PDZD2: variants seen among roughly 807,000 people sequenced by gnomAD.
PDZD2 encodes the protein PDZ domain containing 2, also known as PDZ domain-containing protein 2.
PDZD2 carries 90 observed loss-of-function variants against 220.7 expected under a neutral mutation model. That is an observed-to-expected ratio of 0.41 (90% CI 0.34 to 0.49). The LOEUF (loss-of-function observed/expected upper bound fraction) is 0.49. Among genes scored for constraint, PDZD2 ranks in the 20% least tolerant of loss-of-function variants. The probability of loss-of-function intolerance (pLI) is 0.28; values close to 1 mark genes in which losing one functional copy is unlikely to be tolerated. For synonymous variants in PDZD2, 1,375 were observed against 1,450.5 expected, an observed-to-expected ratio of 0.95 and a Z score of 1.18; for missense variants, 3,174 against 3,608.5, an observed-to-expected ratio of 0.88 and a Z score of 3.08.
chr5:31,845,029 A>G (rs1302699836), intron 2 of PDZD2, among the ~76,000 whole-genome samples: 4 of 152,192 alleles, frequency 2.6e-5, no homozygotes, highest in Admixed American at 6.5e-5. Flanking sequence ...TGAAAGGTAG[A>G]AATGGAAGAA....
At chr5:31,764,857 A>G (rs1007623471) in intron 1 of PDZD2, among the ~76,000 whole-genome samples, 2 of 152,196 alleles carry the variant, frequency 1.3e-5, no homozygotes, top group African/African-American at 4.8e-5. Flanking sequence ...TAGGCGGATC[A>G]TTTGAGGTCA....
intron 24 of PDZD2, among the ~76,000 whole-genome samples, chr5:32,102,906 A>AAAAGT (rs1204371523): frequency 6.6e-6 from 1 of 152,222 alleles, no homozygotes; most frequent in East Asian, 1.9e-4. Flanking sequence ...CTGCTTCTTT[A>AAAAGT]AAAGTAAAAA....
chr5:31,913,557 G>A (rs1743391726), intron 2 of PDZD2, among the ~76,000 whole-genome samples: 1 of 152,140 alleles, frequency 6.6e-6, no homozygotes, highest in African/African-American at 2.4e-5. Context: ...CTATTATAAT[G>A]TTAACTTCTG....
intron 1 of PDZD2, among the ~76,000 whole-genome samples, chr5:31,658,627 T>C (rs29750): frequency 0.38 from 56,836 of 151,460 alleles, 11,162 homozygotes; most frequent in East Asian, 0.65. Flanking sequence ...TTTTCACTTT[T>C]TTTTTTTTTT....
chr5:31,937,049 C>G (rs950354341), intron 2 of PDZD2, among the ~76,000 whole-genome samples: 3 of 152,186 alleles, frequency 2.0e-5, no homozygotes, highest in African/African-American at 7.2e-5. Context: ...TGGGTGGCAG[C>G]CACATGCAAG....
intron 1 of PDZD2, among the ~76,000 whole-genome samples, chr5:31,761,209 G>A (rs1403602636): frequency 6.6e-6 from 1 of 152,170 alleles, no homozygotes; most frequent in Non-Finnish European, 1.5e-5. Context: ...ACATGGGAAA[G>A]CAACCACAGT....
Position 31,999,124 on chromosome 5 carries a change from G to C in PDZD2, c.1122-1015G>C, listed in dbSNP as rs546364104. Among the ~76,000 whole-genome samples, 73 of 152,336 alleles carry C rather than the reference G, an allele frequency of 4.8e-4. 1 individual carries two copies. The highest frequency in any genetic ancestry group is 1.7e-3 in the African/African-American group (70 of 41,580). ...GCCCAATGGGAAGAAAGTTGAGTCA[G>C]GCATAATTTAATTTAAGGGAAAGAA... On this transcript the variant is annotated intron_variant, in intron 4 of 24. Transcript: ENST00000438447.
chr5:31,842,520 A>G (rs1757369216), intron 2 of PDZD2, among the ~76,000 whole-genome samples: 1 of 152,216 alleles, frequency 6.6e-6, no homozygotes, highest in Non-Finnish European at 1.5e-5. Context: ...CCTGGCTCGA[A>G]TCTGGCTGGT....
chr5:31,876,710 A>G (rs1014345101), intron 2 of PDZD2, among the ~76,000 whole-genome samples: 4 of 152,248 alleles, frequency 2.6e-5, no homozygotes, highest in African/African-American at 9.6e-5. Context: ...CTATTTTGAA[A>G]TATAAACTCT....
chr5:31,792,430 G>C (rs952902636), intron 1 of PDZD2, among the ~76,000 whole-genome samples: 1 of 151,956 alleles, frequency 6.6e-6, no homozygotes, highest in African/African-American at 2.4e-5. Flanking sequence ...GTTTTGTTTT[G>C]TTTTTTTAGA....
chr5:31,998,179 C>T (rs191965102), intron 4 of PDZD2, among the ~76,000 whole-genome samples: 5 of 152,224 alleles, frequency 3.3e-5, no homozygotes, highest in Middle Eastern at 3.4e-3. Flanking sequence ...TTCTTGATTC[C>T]TCAATCCCTC....
intron 2 of PDZD2, among the ~76,000 whole-genome samples, chr5:31,922,772 G>A (rs543412933): frequency 7.2e-5 from 11 of 151,936 alleles, no homozygotes; most frequent in Admixed American, 1.3e-4. Flanking sequence ...CCCCCCCTCC[G>A]GGCTCAAGTG....
chr5:31,932,698 A>C (rs373778085), intron 2 of PDZD2, among the ~76,000 whole-genome samples: 1 of 152,206 alleles, frequency 6.6e-6, no homozygotes, highest in East Asian at 1.9e-4. Flanking sequence ...CATCACCACT[A>C]TCCATCTCCA....
intron 4 of PDZD2, among the ~76,000 whole-genome samples, chr5:31,997,089 C>T (rs116571283): frequency 0.02 from 3,113 of 152,170 alleles, 123 homozygotes; most frequent in African/African-American, 0.072. Flanking sequence ...CCTGCTGGGG[C>T]GTGTACGTAT....
intron 2 of PDZD2, among the ~76,000 whole-genome samples, chr5:31,862,749 A>G (rs899447915): frequency 1.3e-5 from 2 of 151,752 alleles, no homozygotes; most frequent in Non-Finnish European, 2.9e-5. Context: ...TTTTTCCAAG[A>G]TGGAGTGTTG....
At chr5:32,009,743 AT>A (rs1233579202) in intron 5 of PDZD2, among the ~76,000 whole-genome samples, 4 of 151,744 alleles carry the variant, frequency 2.6e-5, no homozygotes, top group Non-Finnish European at 4.4e-5. Flanking sequence ...AAAAAAAAAA[AT>A]GATTGTTTTA....
chr5:31,834,197 C>G (rs1756801889), intron 2 of PDZD2, among the ~76,000 whole-genome samples: 1 of 152,222 alleles, frequency 6.6e-6, no homozygotes, highest in South Asian at 2.1e-4. Context: ...CTGACTCCTT[C>G]TTTAAGGGAC....
At position 32,026,385 on chromosome 5, in the gene PDZD2, G is replaced by A. The variant is rs570012293; in HGVS notation, c.1408-10846G>A. Reference sequence around the variant, plus strand: ...CTCCTGGGCTCAAAGCAATCCGCCCGCCTCCGCCTCCCAAAGTGCTGAGAT... The same window carrying A: ...CTCCTGGGCTCAAAGCAATCCGCCCACCTCCGCCTCCCAAAGTGCTGAGAT... On this transcript the variant is annotated intron_variant, in intron 6 of 24. Transcript: ENST00000438447. 2.6e-4 allele frequency among the ~76,000 whole-genome samples: 39 copies of A among 152,178 alleles called. No individual in the cohort carries two copies. The South Asian group carries it at 7.5e-3, about 29-fold the overall frequency.
rs1757477749 is a variant in PDZD2 at position 31,844,303 on chromosome 5, T to C, written c.476+44579T>C. 2.6e-5 allele frequency among the ~76,000 whole-genome samples: 4 copies of C among 152,060 alleles called. No homozygotes were observed. The East Asian group carries it at 5.8e-4, about 22-fold the overall frequency. On this transcript the variant is annotated intron_variant, in intron 2 of 24. Coordinates refer to ENST00000438447, the MANE Select transcript of PDZD2 (RefSeq NM_178140.4). Reference sequence around the variant, plus strand: ...AGATAATTATAAATGGAGTGAGAGATGTTAGGCAAAGGTGAGGGACTTCAA... The same window carrying C: ...AGATAATTATAAATGGAGTGAGAGACGTTAGGCAAAGGTGAGGGACTTCAA...
Sources: allele counts gnomAD v4.1 joint callset (sites outside exome capture counted in the v4.1 genomes callset), GRCh38; gene constraint gnomAD v4.1.1; transcripts MANE v1.5; gene names NCBI Gene and HGNC (gene_info 2026-07-23, HGNC 2026-07-21).